CSGALNACT1: variants seen among roughly 807,000 people sequenced by gnomAD.
CSGALNACT1 encodes beta4GalNAcT-1.
CSGALNACT1 carries 52 observed loss-of-function variants against 51.0 expected under a neutral mutation model. The observed-to-expected ratio is 1.02, with a 90% confidence interval of 0.82 to 1.29. The LOEUF (loss-of-function observed/expected upper bound fraction) is 1.29. Among genes scored for constraint, CSGALNACT1 ranks in the 50% most tolerant of loss-of-function variants. The probability of loss-of-function intolerance (pLI) is 0.00; values close to 1 mark genes in which losing one functional copy is unlikely to be tolerated. For synonymous variants in CSGALNACT1, 341 were observed against 254.4 expected, an observed-to-expected ratio of 1.34 and a Z score of -3.24; for missense variants, 935 against 679.2, an observed-to-expected ratio of 1.38 and a Z score of -4.19.
chr8:19,720,587 G>A (rs1228653675), intron 1 of CSGALNACT1, among the ~76,000 whole-genome samples: 1 of 152,192 alleles, frequency 6.6e-6, no homozygotes, highest in Non-Finnish European at 1.5e-5. Context: ...GTTTCGAGGA[G>A]TGGCTCCCTT....
At chr8:19,488,119 G>A (rs2073431602) in intron 4 of CSGALNACT1, among the ~76,000 whole-genome samples, 3 of 151,962 alleles carry the variant, frequency 2.0e-5, no homozygotes, top group African/African-American at 4.8e-5. Context: ...GGAGGACGAG[G>A]TGGGTGGATC....
chr8:19,443,504 A>C (rs531319665), intron 5 of CSGALNACT1, among the ~76,000 whole-genome samples: 1 of 152,294 alleles, frequency 6.6e-6, no homozygotes, highest in Admixed American at 6.5e-5. Context: ...GAGGTCTCAC[A>C]ATCATGGCAG....
chr8:19,732,347 G>A (rs1451597725), intron 1 of CSGALNACT1: 1 of 152,078 alleles, frequency 6.6e-6, no homozygotes. Context: ...ATCAATCAAT[G>A]TCTACTGTGG....
chr8:19,438,275 T>C (rs2060723878), intron 6 of CSGALNACT1, among the ~76,000 whole-genome samples: 1 of 152,210 alleles, frequency 6.6e-6, no homozygotes, highest in Non-Finnish European at 1.5e-5. Flanking sequence ...TGTTCTCAAT[T>C]GTGGCTTCAC....
chr8:19,469,127 T>C (rs556407674), intron 4 of CSGALNACT1, among the ~76,000 whole-genome samples: 2 of 152,228 alleles, frequency 1.3e-5, no homozygotes, highest in South Asian at 2.1e-4. Context: ...CGGTGGCTCA[T>C]ACTTGTAATC....
intron 1 of CSGALNACT1, among the ~76,000 whole-genome samples, chr8:19,645,798 T>C (rs1022602907): frequency 2.0e-5 from 3 of 152,100 alleles, no homozygotes; most frequent in Admixed American, 1.3e-4. Context: ...GATGATCAAA[T>C]GTAGCCCTGG....
At chr8:19,743,228 C>T (rs7832092) in intron 1 of CSGALNACT1, among the ~76,000 whole-genome samples, 10,142 of 152,094 alleles carry the variant, frequency 0.067, 1,112 homozygotes, top group African/African-American at 0.23. Context: ...TCTATTAGTC[C>T]GATAACCATA....
At chr8:19,571,237 T>C (rs1010236032) in intron 3 of CSGALNACT1, among the ~76,000 whole-genome samples, 5 of 152,162 alleles carry the variant, frequency 3.3e-5, no homozygotes, top group Non-Finnish European at 7.4e-5. Context: ...CCCAAAGCAC[T>C]GGGATTACAG....
At chr8:19,693,479 A>AT (rs1234898257) in intron 1 of CSGALNACT1, among the ~76,000 whole-genome samples, 1 of 152,066 alleles carries the variant, frequency 6.6e-6, no homozygotes, top group Non-Finnish European at 1.5e-5. Flanking sequence ...CTTTGTAACT[A>AT]AGTACTTTCA....
In CSGALNACT1 at chr8:19,574,743, T is replaced by G. The variant is rs527869627; in HGVS notation, c.-297+16417A>C. The stretch of plus-strand genomic sequence containing the variant: ...GACTGTCTAAAATCTCTTAAAATCC[T>G]CTCTCCGGCCAGATGTGGTGGCTCA... On this transcript the variant is annotated intron_variant, in intron 3 of 9. Transcript: ENST00000454498. Among the ~76,000 whole-genome samples the G allele has an allele frequency of 1.9e-3, 289 of 152,124 alleles. 1 individual carries two copies. Among genetic ancestry groups the G allele is most frequent in the Non-Finnish European group, 2.5e-3 (169 of 67,946 alleles).
At chr8:19,667,048 AAAG>A (rs2059417626) in intron 1 of CSGALNACT1, among the ~76,000 whole-genome samples, 4 of 84,950 alleles carry the variant, frequency 4.7e-5, no homozygotes, top group African/African-American at 1.7e-4. Flanking sequence ...AGGAAGAAAG[AAAG>A]AAAGAAAGAA....
chr8:19,483,104 C>T (rs1439090398), intron 4 of CSGALNACT1, among the ~76,000 whole-genome samples: 2 of 152,162 alleles, frequency 1.3e-5, no homozygotes, highest in African/African-American at 4.8e-5. Flanking sequence ...CTGGAATCAC[C>T]CACTTCTCTT....
chr8:19,608,952 G>GTC (rs1646100209), intron 1 of CSGALNACT1, among the ~76,000 whole-genome samples: 1 of 152,040 alleles, frequency 6.6e-6, no homozygotes, highest in Admixed American at 6.6e-5. Flanking sequence ...CTCCCAAATG[G>GTC]TCTCTCATTA....
intron 4 of CSGALNACT1, among the ~76,000 whole-genome samples, chr8:19,492,343 T>G (rs2074530004): frequency 6.6e-6 from 1 of 152,218 alleles, no homozygotes; most frequent in Non-Finnish European, 1.5e-5. Context: ...ATGCCTGGGA[T>G]GTAGTAGACA....
intron 1 of CSGALNACT1, among the ~76,000 whole-genome samples, chr8:19,635,188 G>A (rs1564312313): frequency 6.6e-6 from 1 of 152,158 alleles, no homozygotes; most frequent in East Asian, 1.9e-4. Flanking sequence ...GAGAGGGAGG[G>A]AGAAGACAGC....
chr8:19,481,498 A>G (rs2071390032), intron 4 of CSGALNACT1, among the ~76,000 whole-genome samples: 1 of 152,116 alleles, frequency 6.6e-6, no homozygotes, highest in South Asian at 2.1e-4. Context: ...TTAGCTAAGT[A>G]CCCTGCCCAA....
chr8:19,737,440 C>T (rs988149836), intron 1 of CSGALNACT1, among the ~76,000 whole-genome samples: 2 of 152,054 alleles, frequency 1.3e-5, no homozygotes, highest in Non-Finnish European at 2.9e-5. Flanking sequence ...TCACAGTTTT[C>T]TAATACTTTC....
chr8:19,723,170 C>T (rs539464126), intron 1 of CSGALNACT1, among the ~76,000 whole-genome samples: 25 of 152,312 alleles, frequency 1.6e-4, no homozygotes, highest in African/African-American at 5.1e-4. Flanking sequence ...AAAGACCCAA[C>T]GGATTGATAC....
chr8:19,678,079 C>T (rs2060325817), intron 1 of CSGALNACT1, among the ~76,000 whole-genome samples: 1 of 151,914 alleles, frequency 6.6e-6, no homozygotes, highest in South Asian at 2.1e-4. Flanking sequence ...GCATTCTAGC[C>T]TTGGCCACCC....
Sources: allele counts gnomAD v4.1 joint callset (sites outside exome capture counted in the v4.1 genomes callset), GRCh38; gene constraint gnomAD v4.1.1; transcripts MANE v1.5; gene names NCBI Gene and HGNC (gene_info 2026-07-23, HGNC 2026-07-21).